The following ADAMTS16 variants were observed in gnomAD, a reference collection of about 807,000 sequenced individuals.
ADAMTS16 encodes A disintegrin and metalloproteinase with thrombospondin motifs 16.
A neutral mutation model predicts 145.8 loss-of-function variants in ADAMTS16; 94 were observed. The observed-to-expected ratio is 0.64, with a 90% CI of 0.55 to 0.77. The LOEUF (loss-of-function observed/expected upper bound fraction) is 0.77. Among genes scored for constraint, ADAMTS16 ranks in the 30% least tolerant of loss-of-function variants. ADAMTS16 has a pLI of 0.00. For synonymous variants in ADAMTS16, 659 were observed against 604.3 expected (o/e 1.09, Z -1.33); for missense variants, 1,585 against 1,591.5 (o/e 1.00, Z 0.07).
chr5:5,152,199 T>C (rs1734486829), intron 3 of ADAMTS16, among the ~76,000 whole-genome samples: 1 of 152,264 alleles, frequency 6.6e-6, no homozygotes, highest in African/African-American at 2.4e-5. Context: ...GCAGCCTGTC[T>C]CTTCTCCTGG....
At chr5:5,250,030 T>A (rs1421365923) in intron 17 of ADAMTS16, among the ~76,000 whole-genome samples, 3 of 152,194 alleles carry the variant, frequency 2.0e-5, no homozygotes, top group African/African-American at 7.2e-5. Context: ...CTCCTCTCGA[T>A]GTTCACATGC....
intron 18 of ADAMTS16, among the ~76,000 whole-genome samples, chr5:5,291,727 G>C (rs1739329380): frequency 6.8e-6 from 1 of 147,384 alleles, no homozygotes; most frequent in Non-Finnish European, 1.5e-5. Context: ...CAGGGTCATG[G>C]ACCAGGGCAA....
intron 8 of ADAMTS16, among the ~76,000 whole-genome samples, chr5:5,198,197 G>A (rs1306419270): frequency 1.3e-5 from 2 of 152,126 alleles, no homozygotes; most frequent in African/African-American, 2.4e-5. Context: ...GCCAGCCAGC[G>A]GAGGGTAGTT....
In ADAMTS16 at chr5:5,150,450, A is replaced by G. The variant is rs374762326; in HGVS notation, c.501+3995A>G. On this transcript the variant is annotated intron_variant, in intron 3 of 22. Transcript: ENST00000274181. ...ATCACGGGCCGGTGCACAAGGCTCAATACAGCAGCCTGAGTGGATGAAGTC... is the reference window on the plus strand; with the variant it reads ...ATCACGGGCCGGTGCACAAGGCTCAGTACAGCAGCCTGAGTGGATGAAGTC... 7.2e-5 allele frequency among the ~76,000 whole-genome samples: 11 copies of G among 152,356 alleles called. No individual in the cohort carries two copies. The East Asian group carries it at 1.4e-3, about 19-fold the overall frequency.
Position 5,240,382 on chromosome 5 carries a change from G to A in ADAMTS16, c.2523+457G>A, listed in dbSNP as rs114061743. On this transcript the variant is annotated intron_variant, in intron 16 of 22. Transcript: ENST00000274181. ...ATTGACCTTGGCGGGCCACAGCTCCGCAGTCACATCAACCCAGTGTCCAGT... is the reference window on the plus strand; with the variant it reads ...ATTGACCTTGGCGGGCCACAGCTCCACAGTCACATCAACCCAGTGTCCAGT... Among the ~76,000 whole-genome samples, 1,162 of 152,296 alleles carry A rather than the reference G, an allele frequency of 7.6e-3. 19 individuals are homozygous for A. The highest frequency in any genetic ancestry group is 0.027 in the African/African-American group (1,110 of 41,546).
chr5:5,281,753 C>T (rs944099266), intron 18 of ADAMTS16, among the ~76,000 whole-genome samples: 5 of 152,146 alleles, frequency 3.3e-5, no homozygotes, highest in Non-Finnish European at 4.4e-5. Context: ...ATCCACTACC[C>T]TATTGGGTGG....
chr5:5,302,198 G>T (rs2126509603), intron 18 of ADAMTS16, among the ~76,000 whole-genome samples: 1 of 152,296 alleles, frequency 6.6e-6, no homozygotes, highest in African/African-American at 2.4e-5. Flanking sequence ...ACAGTGTCTT[G>T]ATCAAAGGTG....
chr5:5,165,157 C>T lies in ADAMTS16; in HGVS notation c.502-16887C>T, dbSNP rs1734839408. On this transcript the variant is annotated intron_variant, in intron 3 of 22. Transcript: ENST00000274181. ...CAGCAACCACTCCTCTGCTTCCCAC[C>T]TCCAGTGCCTTTTTTGGCCATTTCA... Among the ~76,000 whole-genome samples the T allele has an allele frequency of 3.9e-5, 6 of 152,298 alleles. No individual in the cohort carries two copies. The South Asian group carries it at 1.2e-3, about 32-fold the overall frequency.
intron 5 of ADAMTS16, among the ~76,000 whole-genome samples, 172 bp downstream of exon 5, chr5:5,186,423 A>G (rs1017623124): frequency 2.0e-5 from 3 of 152,084 alleles, no homozygotes; most frequent in South Asian, 4.1e-4. Context: ...CTATGCTCCA[A>G]TGAAAAGAGC....
chr5:5,315,098 T>A (rs997468324), intron 21 of ADAMTS16, among the ~76,000 whole-genome samples: 1 of 152,042 alleles, frequency 6.6e-6, no homozygotes, highest in African/African-American at 2.4e-5. Flanking sequence ...AAACTTACAA[T>A]CATGGTGGAA....
chr5:5,306,773 G>C (rs1740182095), intron 21 of ADAMTS16, 45 bp downstream of exon 21: 3 of 1,516,954 alleles, frequency 2.0e-6, no homozygotes, highest in Non-Finnish European at 2.7e-6. Context: ...AGCACAGCTT[G>C]GCCTGGGGTT....
At chr5:5,207,747 T>C (rs1327938275) in intron 9 of ADAMTS16, among the ~76,000 whole-genome samples, 1 of 152,116 alleles carries the variant, frequency 6.6e-6, no homozygotes, top group Non-Finnish European at 1.5e-5. Context: ...TGTTAAATTT[T>C]ATCAAATGGT....
rs577070392 is a variant in ADAMTS16 at position 5,303,151 on chromosome 5, C to T, written c.2790-117C>T. The T allele has an allele frequency of 3.8e-5, 43 of 1,120,422 alleles. No homozygotes were observed. In the South Asian group the frequency reaches 7.0e-4, roughly 18 times the overall value. The allele number at this position is 1,120,422 out of a possible 1,614,324, so 69.4% of individuals were successfully genotyped here. ...CCAGGAAAGGTGGAACTGAAAATAA[C>T]GGCACACACACGACCGTGGCTGGGA... On this transcript the variant is annotated intron_variant, in intron 18 of 22. Transcript: ENST00000274181.
chr5:5,316,779 G>A (rs1486814237), intron 21 of ADAMTS16, among the ~76,000 whole-genome samples: 1 of 152,182 alleles, frequency 6.6e-6, no homozygotes, highest in Non-Finnish European at 1.5e-5. Flanking sequence ...TGGTGCCACT[G>A]TAAAGATTGG....
chr5:5,161,774 A>G (rs1014868301), intron 3 of ADAMTS16, among the ~76,000 whole-genome samples: 1 of 152,152 alleles, frequency 6.6e-6, no homozygotes, highest in Non-Finnish European at 1.5e-5. Flanking sequence ...TATATTTTCT[A>G]TCATAGGAAG....
At chr5:5,312,438 T>C (rs1740495696) in intron 21 of ADAMTS16, among the ~76,000 whole-genome samples, 1 of 141,920 alleles carries the variant, frequency 7.0e-6, no homozygotes, top group Non-Finnish European at 1.5e-5. Context: ...TGTTGTTTTT[T>C]GTTGTTGTTA....
In ADAMTS16 at chr5:5,242,110, G is replaced by A. The variant is rs774528833; in HGVS notation, c.2581G>A (p.Gly861Arg). ...VAWEYSMPRL[G>R]TEKQPPAQPS... Reference sequence around the variant, plus strand: ...CTGGGAATACTCCATGCCTCGCTTGGGGACCGAGAAGCAGCCCCCTGCCCA... The same window carrying A: ...CTGGGAATACTCCATGCCTCGCTTGAGGACCGAGAAGCAGCCCCCTGCCCA... The change falls in exon 17 of 23, where the codon GGG (glycine) becomes AGG (arginine). Residue 861 changes from glycine (G) to arginine (R), a missense_variant. By Grantham distance (125) the Gly-to-Arg change is moderately radical (BLOSUM62 -2). Coordinates refer to ENST00000274181, the MANE Select transcript of ADAMTS16 (RefSeq NM_139056.4). 1.2e-6 allele frequency: 2 copies of A among 1,614,174 alleles called. No homozygotes were observed. Among genetic ancestry groups the A allele is most frequent in the Non-Finnish European group, 1.7e-6 (2 of 1,180,034 alleles).
intron 6 of ADAMTS16, 33 bp from the exon 7 acceptor site, chr5:5,189,938 T>C (rs1735611702): frequency 6.2e-7 from 1 of 1,607,822 alleles, no homozygotes; most frequent in African/African-American, 1.3e-5. Context: ...CTCTTCATTA[T>C]CATGGGGTCC....
chr5:5,224,794 T>C (rs1736711949), intron 11 of ADAMTS16, among the ~76,000 whole-genome samples: 1 of 152,166 alleles, frequency 6.6e-6, no homozygotes, highest in African/African-American at 2.4e-5. Context: ...CTTTCTGATG[T>C]TGCCTTTGAG....
Sources: allele counts gnomAD v4.1 joint callset (sites outside exome capture counted in the v4.1 genomes callset), GRCh38; gene constraint gnomAD v4.1.1; transcripts MANE v1.5; gene names NCBI Gene and HGNC (gene_info 2026-07-23, HGNC 2026-07-21).